Variants in DGKZ observed in about 807,000 individuals in gnomAD.
The protein encoded by DGKZ is DAG kinase zeta.
Under a neutral mutation model 142.5 loss-of-function variants are expected in DGKZ, and 45 were observed. The observed-to-expected ratio is 0.32, with a 90% confidence interval of 0.25 to 0.40. The LOEUF is 0.40. Ranked by LOEUF, DGKZ falls within the 10% of genes least tolerant of loss-of-function variation. The probability of loss-of-function intolerance (pLI) is 1.00; values close to 1 mark genes in which losing one functional copy is unlikely to be tolerated. For missense variants in DGKZ, 755 were observed against 1,306.5 expected (o/e 0.58, Z 6.51); for synonymous variants, 442 against 527.0 (o/e 0.84, Z 2.21).
rs537972638 is a variant in DGKZ at position 46,367,803 on chromosome 11, C to T, written c.366+56C>T. On this transcript the variant is annotated intron_variant, in intron 3 of 30. Coordinates refer to ENST00000527911, the Ensembl canonical transcript of DGKZ. This position sits in a 1 kb window ranked among gnomAD's most constrained non-coding sequence, Gnocchi z 4.1. ...GCTGGTGGAGCCAGTAGCCGCAGCC[C>T]TTCCGGGAACGTGGGATTGAGCCCG... 2.3e-5 allele frequency: 37 copies of T among 1,604,058 alleles called. No homozygotes were observed. The African/African-American group carries it at 4.4e-4, about 19-fold the overall frequency.
intron 27 of DGKZ, chr11:46,378,767 A>C: frequency 1.1e-6 from 1 of 882,726 alleles, no homozygotes; most frequent in Non-Finnish European, 1.8e-6. Context: ...GCACTGCTCC[A>C]GGGCTTGGTC....
Position 46,347,710 on chromosome 11 carries a change from G to T in DGKZ, c.51G>T (p.Ser17=). The T allele has an allele frequency of 3.4e-6, 5 of 1,459,272 alleles. No homozygotes were observed. Among genetic ancestry groups the T allele is most frequent in the Middle Eastern group, 4.8e-4 (2 of 4,144 alleles). The allele number at this position is 1,459,272 out of a possible 1,614,324, so 90.4% of individuals were successfully genotyped here. A position where few individuals can be genotyped will look rare whatever the true frequency, so the allele number is the denominator to read the frequency against. ...AGGCCCGGAGCAGCGACTCCGAGTC[G>T]GCTTCCGCCTCGTCCAGCGGCTCCG... The change falls in exon 1 of 31, where the codon TCG becomes TCT. Residue 17 remains serine (S), a synonymous_variant. Coordinates refer to ENST00000527911, the Ensembl canonical transcript of DGKZ. This position sits in a 1 kb window ranked among gnomAD's most constrained non-coding sequence, Gnocchi z 6.4.
exon 26 of DGKZ, chr11:46,378,215 C>A (rs780668211): frequency 1.4e-5 from 22 of 1,608,878 alleles, no homozygotes; most frequent in Non-Finnish European, 1.9e-5. Flanking sequence ...CAAGGGGATG[C>A]TGCACCCCCT....
At chr11:46,356,646 G>A (rs373077287) in intron 1 of DGKZ, among the ~76,000 whole-genome samples, 21 of 152,218 alleles carry the variant, frequency 1.4e-4, no homozygotes, top group East Asian at 5.8e-4. Flanking sequence ...AGGGACCCGC[G>A]GTGTTTTGTT....
rs1317736188 is a variant in DGKZ at position 46,367,424 on chromosome 11, C to T, written c.270+25C>T. On this transcript the variant is annotated intron_variant, in intron 2 of 30. Transcript: ENST00000527911. This position sits in a 1 kb window ranked among gnomAD's most constrained non-coding sequence, Gnocchi z 4.1. ...CGTGAGTGCCTGAACACCCCTGGGTCCCAGACCCTCTGGGCTCTTGGCCAA... is the reference window on the plus strand; with the variant it reads ...CGTGAGTGCCTGAACACCCCTGGGTTCCAGACCCTCTGGGCTCTTGGCCAA... 2.5e-6 allele frequency: 4 copies of T among 1,607,570 alleles called. No homozygotes were observed. The highest frequency in any genetic ancestry group is 1.1e-5 in the South Asian group (1 of 90,866).
At chr11:46,369,690 C>A in intron 5 of DGKZ, 140 bp downstream of exon 5, 1 of 1,189,330 alleles carries the variant, frequency 8.4e-7, no homozygotes, top group African/African-American at 1.5e-5. Flanking sequence ...GTCTGCCATG[C>A]GGAGGCCTAA....
chr11:46,376,863 A>G, intron 24 of DGKZ: 5 of 635,804 alleles, frequency 7.9e-6, no homozygotes, highest in Non-Finnish European at 1.4e-5. Flanking sequence ...CATTCTGGTC[A>G]GGCGCCAGCT....
chr11:46,361,730 C>G lies in DGKZ; in HGVS notation c.162-5561C>G, dbSNP rs937765597. On this transcript the variant is annotated intron_variant, in intron 1 of 30. Coordinates refer to ENST00000527911, the Ensembl canonical transcript of DGKZ. ...AGGTCAAAAGGGGCCCCCAGCCCCT[C>G]CTTGCTTTCTGCTTCCTCCCTCTGT... 5.3e-6 allele frequency: 5 copies of G among 940,672 alleles called. No homozygotes were observed. The African/African-American group carries it at 7.1e-5, about 13-fold the overall frequency. The allele number at this position is 940,672 out of a possible 1,614,324, so 58.3% of individuals were successfully genotyped here.
At chr11:46,365,547 C>T (rs764241445) in intron 1 of DGKZ, 12 of 985,326 alleles carry the variant, frequency 1.2e-5, no homozygotes, top group Non-Finnish European at 1.2e-5. Flanking sequence ...GACAGTGACT[C>T]TCCAGTTCCC....
At chr11:46,380,046 G>C (rs1590664850) in exon 31 of DGKZ, 4 of 1,208,272 alleles carry the variant, frequency 3.3e-6, no homozygotes, top group South Asian at 1.5e-5. Context: ...GCCACGGGGG[G>C]ACCTAGGCCC....
At chr11:46,342,464 C>T (rs1435614600), upstream of DGKZ, among the ~76,000 whole-genome samples, 1 of 152,252 alleles carries the variant, frequency 6.6e-6, no homozygotes, top group Non-Finnish European at 1.5e-5. Flanking sequence ...ACAAGCCCAG[C>T]CCCATTTCCT....
intron 1 of DGKZ, among the ~76,000 whole-genome samples, chr11:46,359,401 C>T (rs972716270): frequency 5.3e-5 from 8 of 152,028 alleles, no homozygotes; most frequent in South Asian, 2.1e-4. Context: ...GCTGAGATTG[C>T]GCCATTGCAC....
intron 1 of DGKZ, chr11:46,366,521 G>C (rs770300577): frequency 1.9e-6 from 3 of 1,594,272 alleles, no homozygotes; most frequent in Non-Finnish European, 2.6e-6. Flanking sequence ...CTTCATCGTG[G>C]ATAAGGTGCT....
chr11:46,356,988 A>T lies in DGKZ; in HGVS notation c.161+9168A>T, dbSNP rs559731132. Among the ~76,000 whole-genome samples the T allele has an allele frequency of 3.3e-3, 498 of 152,314 alleles. 7 individuals carry two copies. Among genetic ancestry groups the T allele is most frequent in the African/African-American group, 0.012 (484 of 41,558 alleles). ...GGGAGGCCTGTTGCCTGCCAGCCCC[A>T]GGTCTTTGCATTTTGCTCAGCTGAC... On this transcript the variant is annotated intron_variant, in intron 1 of 30. Transcript: ENST00000527911.
intron 27 of DGKZ, 137 bp from the exon 28 acceptor site, chr11:46,378,854 G>T: frequency 7.3e-7 from 1 of 1,369,054 alleles, no homozygotes. Context: ...GACCCACAGA[G>T]GCAACTCAGG....
chr11:46,364,446 C>T (rs1332853013), intron 1 of DGKZ: 1 of 1,281,340 alleles, frequency 7.8e-7, no homozygotes, highest in Middle Eastern at 2.2e-4. Context: ...TGTCCTGCCC[C>T]TGCAGCTCCC....
chr11:46,342,183 G>A (rs1940311237), intron 1 of DGKZ, among the ~76,000 whole-genome samples: 1 of 152,142 alleles, frequency 6.6e-6, no homozygotes, highest in African/African-American at 2.4e-5. Context: ...GGGGTCCCCA[G>A]CTTCCCAGGG....
intron 24 of DGKZ, 172 bp from the exon 25 acceptor site, chr11:46,376,901 G>A (rs1944611496): frequency 1.5e-6 from 1 of 663,334 alleles, no homozygotes; most frequent in Admixed American, 2.8e-5. Context: ...GCAGTCGGAG[G>A]AGGTGTCAGG....
chr11:46,369,869 CGTGTGGGCAGTCCTCAGG>C, intron 5 of DGKZ, 54 bp from the exon 6 acceptor site: 1 of 1,526,850 alleles, frequency 6.5e-7, no homozygotes, highest in Non-Finnish European at 9.1e-7. Flanking sequence ...TGTGTTGAGC[CGTGTGGGCAGTCCTCAGG>C]ACTGTGCCCC....
Sources: gnomAD v4.1 joint callset for allele counts (sites outside exome capture counted in the v4.1 genomes callset) on GRCh38, gnomAD v4.1.1 for gene constraint, Gnocchi (gnomAD v3.1) non-coding constraint, MANE v1.5 for transcripts, NCBI Gene and HGNC (gene_info 2026-07-23, HGNC 2026-07-21) for gene names.